Variants in SLC25A48 observed in about 807,000 individuals in gnomAD.
The protein encoded by SLC25A48 is CTC-321K16.1.
A neutral mutation model predicts 32.2 loss-of-function variants in SLC25A48; 29 were observed. That is an observed-to-expected ratio of 0.90 (90% CI 0.67 to 1.23). The LOEUF (loss-of-function observed/expected upper bound fraction) is 1.23. Among genes scored for constraint, SLC25A48 ranks in the 50% most tolerant of loss-of-function variants. SLC25A48 has a pLI of 0.00. For synonymous variants in SLC25A48, 164 were observed against 172.3 expected, an observed-to-expected ratio of 0.95 and a Z score of 0.38; for missense variants, 399 against 422.7, an observed-to-expected ratio of 0.94 and a Z score of 0.49.
chr5:135,870,488 C>G (rs1436345856), intron 4 of SLC25A48, among the ~76,000 whole-genome samples: 1 of 152,136 alleles, frequency 6.6e-6, no homozygotes, highest in Non-Finnish European at 1.5e-5. Context: ...CTAGAAGAAG[C>G]TGGAGACAAA....
intron 3 of SLC25A48, among the ~76,000 whole-genome samples, chr5:135,746,572 C>T (rs1160580198): frequency 6.6e-6 from 1 of 152,168 alleles, no homozygotes; most frequent in Non-Finnish European, 1.5e-5. Flanking sequence ...GCTGTGGGCA[C>T]GCGTGAACCT....
chr5:135,582,527 G>A (rs540350119), intron 1 of SLC25A48, among the ~76,000 whole-genome samples: 15 of 152,112 alleles, frequency 9.9e-5, no homozygotes, highest in Non-Finnish European at 1.5e-4. Flanking sequence ...ACCACAGGAG[G>A]GAGGCCACTC....
chr5:135,788,938 G>T (rs1756934730), intron 3 of SLC25A48, among the ~76,000 whole-genome samples: 2 of 151,518 alleles, frequency 1.3e-5, no homozygotes, highest in Admixed American at 1.3e-4. Flanking sequence ...GGGGGAAGAG[G>T]GTGGTATTAC....
chr5:135,846,920 T>A (rs1759471174), intron 2 of SLC25A48, among the ~76,000 whole-genome samples: 1 of 152,208 alleles, frequency 6.6e-6, no homozygotes, highest in African/African-American at 2.4e-5. Flanking sequence ...GTGGATGATA[T>A]TAATATGGGA....
chr5:135,756,029 A>G (rs1377094250), intron 3 of SLC25A48, among the ~76,000 whole-genome samples: 1 of 152,200 alleles, frequency 6.6e-6, no homozygotes, highest in East Asian at 1.9e-4. Context: ...TATTTATCAT[A>G]TAATATCTAG....
chr5:135,876,234 T>G (rs1038459153), intron 6 of SLC25A48: 4 of 151,414 alleles, frequency 2.6e-5, no homozygotes, highest in Non-Finnish European at 5.9e-5. Context: ...GATGATTCAT[T>G]TTTATTTGAG....
chr5:135,827,208 C>G (rs1021325385), intron 4 of SLC25A48: 1 of 152,228 alleles, frequency 6.6e-6, no homozygotes, highest in Non-Finnish European at 1.5e-5. Context: ...TTCACAGCCT[C>G]TCTGTCCCGT....
chr5:135,732,635 A>G (rs1168611563), intron 3 of SLC25A48, among the ~76,000 whole-genome samples: 2 of 152,180 alleles, frequency 1.3e-5, no homozygotes, highest in African/African-American at 4.8e-5. Context: ...GAGAGGTTCT[A>G]AGAGGTGGGC....
chr5:135,712,087 C>G (rs539396329), intron 3 of SLC25A48, among the ~76,000 whole-genome samples: 1 of 152,314 alleles, frequency 6.6e-6, no homozygotes, highest in African/African-American at 2.4e-5. Flanking sequence ...ATCAGAGCAT[C>G]TTTTGTTCCA....
intron 3 of SLC25A48, among the ~76,000 whole-genome samples, chr5:135,777,457 A>G (rs1756594469): frequency 6.6e-6 from 1 of 151,604 alleles, no homozygotes; most frequent in Non-Finnish European, 1.5e-5. Context: ...GTAAGTGTAC[A>G]TCCCCCCTGT....
At chr5:135,881,226 G>A (rs1028932087) in intron 7 of SLC25A48, among the ~76,000 whole-genome samples, 1 of 152,232 alleles carries the variant, frequency 6.6e-6, no homozygotes, top group Non-Finnish European at 1.5e-5. Flanking sequence ...CAACCAAGAA[G>A]CCATTTGACA....
At chr5:135,728,445 C>T (rs1203623481) in intron 3 of SLC25A48, among the ~76,000 whole-genome samples, 6 of 152,014 alleles carry the variant, frequency 3.9e-5, no homozygotes, top group Admixed American at 3.9e-4. Flanking sequence ...ACCCTTTTTC[C>T]GTGGTGATAG....
intron 2 of SLC25A48, among the ~76,000 whole-genome samples, chr5:135,845,116 G>A (rs974583200): frequency 1.3e-5 from 2 of 152,226 alleles, no homozygotes; most frequent in African/African-American, 4.8e-5. Context: ...CAAAACCAAG[G>A]TGTTGATGCC....
intron 4 of SLC25A48, among the ~76,000 whole-genome samples, chr5:135,821,387 G>C (rs1251884157): frequency 6.6e-6 from 1 of 152,178 alleles, no homozygotes; most frequent in African/African-American, 2.4e-5. Flanking sequence ...GCAGAGACTG[G>C]TGTCTCAGCC....
chr5:135,765,971 G>C (rs964672115), intron 3 of SLC25A48, among the ~76,000 whole-genome samples: 2 of 150,860 alleles, frequency 1.3e-5, no homozygotes, highest in Admixed American at 6.7e-5. Context: ...ACATCCCCCC[G>C]TGATATGGTT....
chr5:135,834,422 T>C (rs12514887), upstream of SLC25A48, among the ~76,000 whole-genome samples: 28,954 of 152,194 alleles, frequency 0.19, 2,916 homozygotes, highest in Middle Eastern at 0.25. Context: ...CACAGCACAG[T>C]ACAGGGAGAT....
At chr5:135,757,711 ATATT>A (rs1755952528) in intron 3 of SLC25A48, among the ~76,000 whole-genome samples, 1 of 149,956 alleles carries the variant, frequency 6.7e-6, no homozygotes, top group Non-Finnish European at 1.5e-5. Flanking sequence ...CATCTAGATG[ATATT>A]TATACTGTCT....
intron 3 of SLC25A48, among the ~76,000 whole-genome samples, chr5:135,740,443 C>A (rs1755474892): frequency 6.6e-6 from 1 of 152,102 alleles, no homozygotes; most frequent in Non-Finnish European, 1.5e-5. Flanking sequence ...GATCCACCTG[C>A]CTTGGGCGGG....
chr5:135,852,430 C>T (rs1675280820), intron 3 of SLC25A48, 133 bp from the exon 4 acceptor site: 2 of 1,125,462 alleles, frequency 1.8e-6, no homozygotes, highest in African/African-American at 1.6e-5. Context: ...TACCTCCTGT[C>T]GCATCAGCAC....
Sources: gnomAD v4.1 joint callset for allele counts (sites outside exome capture counted in the v4.1 genomes callset) on GRCh38, gnomAD v4.1.1 for gene constraint, MANE v1.5 for transcripts, NCBI Gene and HGNC (gene_info 2026-07-23, HGNC 2026-07-21) for gene names.